Variants in SGSM1 observed in about 807,000 individuals in gnomAD.
SGSM1 encodes the protein RUN and TBC1 domain containing 2.
A neutral mutation model predicts 133.8 loss-of-function variants in SGSM1; 73 were observed. The observed-to-expected ratio is 0.55, with a 90% CI of 0.45 to 0.66. SGSM1 has a LOEUF of 0.66. Among genes scored for constraint, SGSM1 ranks in the 30% least tolerant of loss-of-function variants. The pLI, the probability that SGSM1 is intolerant of heterozygous loss-of-function variation, is 0.00. For synonymous variants in SGSM1, 563 were observed against 573.0 expected (o/e 0.98, Z 0.25); for missense variants, 1,213 against 1,448.1 (o/e 0.84, Z 2.64).
intron 16 of SGSM1, among the ~76,000 whole-genome samples, chr22:24,888,049 T>G (rs139721): frequency 0.16 from 24,617 of 151,982 alleles, 2,072 homozygotes; most frequent in Middle Eastern, 0.21. Context: ...GATTGTTTGG[T>G]TTTTTTTCCT....
intron 5 of SGSM1, among the ~76,000 whole-genome samples, chr22:24,851,424 G>A (rs1040923324): frequency 1.5e-5 from 2 of 129,064 alleles, no homozygotes; most frequent in African/African-American, 3.3e-5. Context: ...CCCAAGAGGT[G>A]GCAGGAAGGG....
chr22:24,897,096 C>A (rs1229772467), intron 18 of SGSM1, among the ~76,000 whole-genome samples: 2 of 151,140 alleles, frequency 1.3e-5, no homozygotes, highest in South Asian at 2.1e-4. Context: ...GAGTCAACTG[C>A]ACGCGGGGCG....
At chr22:24,879,374 T>G (rs1359973509) in intron 13 of SGSM1, 88 bp from the exon 14 acceptor site, 15 of 1,292,322 alleles carry the variant, frequency 1.2e-5, no homozygotes, top group Non-Finnish European at 1.6e-5. Flanking sequence ...TAATCTGCCC[T>G]CTAGAGATAG....
At chr22:24,891,558 C>T (rs1019361238) in intron 16 of SGSM1, among the ~76,000 whole-genome samples, 2 of 152,102 alleles carry the variant, frequency 1.3e-5, no homozygotes, top group African/African-American at 4.8e-5. Context: ...AGTGTGAGGC[C>T]CCTCCACACT....
At chr22:24,918,739 T>C (rs1020002686) in intron 23 of SGSM1, among the ~76,000 whole-genome samples, 3 of 151,920 alleles carry the variant, frequency 2.0e-5, no homozygotes, top group Admixed American at 6.6e-5. Context: ...CTTTTTTTTT[T>C]TCTTTTTTGG....
At chr22:24,868,667 C>T in intron 11 of SGSM1, 56 bp from the exon 12 acceptor site, 2 of 1,609,136 alleles carry the variant, frequency 1.2e-6, no homozygotes, top group South Asian at 2.2e-5. Flanking sequence ...TCAGACTAAG[C>T]AAGTTGTGGG....
chr22:24,848,634 A>C (rs1448994702), intron 4 of SGSM1, among the ~76,000 whole-genome samples: 3 of 152,232 alleles, frequency 2.0e-5, no homozygotes, highest in Non-Finnish European at 4.4e-5. Context: ...ATTTGGTTTC[A>C]ACTCCTGGCA....
At chr22:24,856,498 A>AGG (rs1930796506) in intron 8 of SGSM1, among the ~76,000 whole-genome samples, 1 of 152,204 alleles carries the variant, frequency 6.6e-6, no homozygotes, top group African/African-American at 2.4e-5. Flanking sequence ...GGTGAGGCAT[A>AGG]TGCAGTTCCT....
At chr22:24,896,625 TG>T (rs1195889190) in intron 18 of SGSM1, among the ~76,000 whole-genome samples, 1 of 143,502 alleles carries the variant, frequency 7.0e-6, no homozygotes, top group African/African-American at 3.0e-5. Context: ...TTTTGTTTTT[TG>T]GTTTTTTTTT....
rs1223482317 is a variant in SGSM1 at position 24,917,662 on chromosome 22, T to A, written c.2933T>A (p.Leu978Gln). Reference protein sequence around the residue: ...FANMRSLIQILDSELFELMHQ... With the variant: ...FANMRSLIQIQDSELFELMHQ... ...CTGCCTTTCCTTCCTTGACAGATCC[T>A]GGACTCAGAGCTGTTTGAGCTGATG... The change falls in exon 23 of 25, where the codon CTG (leucine) becomes CAG (glutamine). Residue 978 changes from leucine to glutamine, a missense_variant. By Grantham distance (113) the Leu-to-Gln change is moderately radical (BLOSUM62 -2). Coordinates refer to ENST00000400358, the MANE Select transcript of SGSM1 (RefSeq NM_001098497.3). The A allele has an allele frequency of 6.2e-7, 1 of 1,612,916 alleles. No homozygotes were observed. The highest frequency in any genetic ancestry group is 1.3e-5 in the African/African-American group (1 of 74,920).
At chr22:24,896,286 C>A (rs1932911349) in intron 18 of SGSM1, among the ~76,000 whole-genome samples, 1 of 151,788 alleles carries the variant, frequency 6.6e-6, no homozygotes, top group Non-Finnish European at 1.5e-5. Flanking sequence ...AAAAAAAACT[C>A]TGGTTTTGAC....
intron 8 of SGSM1, among the ~76,000 whole-genome samples, chr22:24,856,974 T>C (rs1341931548): frequency 1.3e-5 from 2 of 152,000 alleles, no homozygotes; most frequent in African/African-American, 4.8e-5. Context: ...TTCACCATGT[T>C]AGCCAGGATG....
intron 15 of SGSM1, among the ~76,000 whole-genome samples, chr22:24,885,904 C>A (rs1932571875): frequency 6.6e-6 from 1 of 152,150 alleles, no homozygotes; most frequent in African/African-American, 2.4e-5. Flanking sequence ...TTATTCACGC[C>A]AGGATATCTG....
In SGSM1 at chr22:24,927,369, T is replaced by A. The variant is rs553577377; in HGVS notation, c.*3095T>A. 1.2e-4 allele frequency: 19 copies of A among 152,336 alleles called. No individual in the cohort carries two copies. Among genetic ancestry groups the A allele is most frequent in the African/African-American group, 4.3e-4 (18 of 41,590 alleles). The allele number at this position is 152,336 out of a possible 1,614,324, so 9.4% of individuals were successfully genotyped here. Reference sequence around the variant, plus strand: ...TGGTCTCAGCTTCTCTGGCATAAAGTCATTTCTGCCACATTCTGTTGGTCA... The same window carrying A: ...TGGTCTCAGCTTCTCTGGCATAAAGACATTTCTGCCACATTCTGTTGGTCA... On this transcript the variant is annotated 3_prime_UTR_variant, in exon 25 of 25. Coordinates refer to ENST00000400358, the MANE Select transcript of SGSM1 (RefSeq NM_001098497.3).
chr22:24,863,559 C>T (rs1206622386), intron 9 of SGSM1, among the ~76,000 whole-genome samples: 1 of 152,046 alleles, frequency 6.6e-6, no homozygotes, highest in Non-Finnish European at 1.5e-5. Flanking sequence ...TCCTGTCTAT[C>T]GTTGTTATTC....
rs550887654 is a variant in SGSM1, at chr22:24,822,653, G to A, written c.63+16169G>A. Among the ~76,000 whole-genome samples, 7 of 152,344 alleles carry A rather than the reference G, an allele frequency of 4.6e-5. No homozygotes were observed. The East Asian group carries it at 1.4e-3, about 29-fold the overall frequency. On this transcript the variant is annotated intron_variant, in intron 2 of 24. Transcript: ENST00000400358. ...GTGTACTGTGAAAAATGATAGCCAA[G>A]GGCAGAGGTGGAGCTGGCAGGTGCC...
At chr22:24,851,910 A>G (rs549355827) in intron 5 of SGSM1, among the ~76,000 whole-genome samples, 1 of 152,306 alleles carries the variant, frequency 6.6e-6, no homozygotes, top group East Asian at 1.9e-4. Context: ...CCAGTTCCCT[A>G]TTTACCTTCT....
intron 14 of SGSM1, among the ~76,000 whole-genome samples, chr22:24,880,951 G>A (rs1314895833): frequency 6.6e-6 from 1 of 152,214 alleles, no homozygotes; most frequent in African/African-American, 2.4e-5. Context: ...AGCACTTTGG[G>A]AGGCCAAGGT....
Position 24,855,645 on chromosome 22 carries a change from C to T in SGSM1, c.766C>T (p.Leu256Phe). ...ESLHQNSRATLLYGKNNVLVQ... is the reference protein window; with the variant it reads ...ESLHQNSRATFLYGKNNVLVQ... ...CCTGCATCAGAACTCCCGTGCCACC[C>T]TTCTCTATGGCAAAAACAACGTTCT... is the stretch of plus-strand genomic sequence containing the variant. Residue 256 changes from leucine to phenylalanine, a missense_variant, in exon 8 of 25, where the codon CTT (leucine) becomes TTT (phenylalanine). By Grantham distance (22) the Leu-to-Phe change is conservative. Coordinates refer to ENST00000400358, the MANE Select transcript of SGSM1 (RefSeq NM_001098497.3). 1.9e-6 allele frequency: 3 copies of T among 1,614,014 alleles called. No homozygotes were observed. The highest frequency in any genetic ancestry group is 2.5e-6 in the Non-Finnish European group (3 of 1,179,888).
Sources: allele counts gnomAD v4.1 joint callset (sites outside exome capture counted in the v4.1 genomes callset), GRCh38; gene constraint gnomAD v4.1.1; transcripts MANE v1.5; gene names NCBI Gene and HGNC (gene_info 2026-07-23, HGNC 2026-07-21).